The following PRAG1 variants were observed in gnomAD, a reference collection of about 807,000 sequenced individuals.
PRAG1 encodes the protein PEAK1 related, kinase-activating pseudokinase 1.
In PRAG1, 110 loss-of-function variants were observed where a neutral mutation model predicts 95.6. The observed-to-expected ratio is 1.15, with a 90% CI of 0.99 to 1.35. The LOEUF is 1.35. Among genes scored for constraint, PRAG1 ranks in the 40% most tolerant of loss-of-function variants. The pLI, the probability that PRAG1 is intolerant of heterozygous loss-of-function variation, is 0.00. For synonymous variants in PRAG1, 1,052 were observed against 819.4 expected, an observed-to-expected ratio of 1.28 and a Z score of -4.85; for missense variants, 2,554 against 1,864.7, an observed-to-expected ratio of 1.37 and a Z score of -6.81.
At chr8:8,345,938 T>TA (rs749158161) in intron 3 of PRAG1, among the ~76,000 whole-genome samples, 18 of 152,128 alleles carry the variant, frequency 1.2e-4, no homozygotes, top group Non-Finnish European at 1.5e-4. Flanking sequence ...CACATCAAAT[T>TA]AAAAAATGAA....
At chr8:8,344,849 C>T (rs542265182) in intron 3 of PRAG1, among the ~76,000 whole-genome samples, 6 of 152,218 alleles carry the variant, frequency 3.9e-5, no homozygotes, top group Admixed American at 6.5e-5. Context: ...GCAGTCTCAA[C>T]GAGGGTTGGT....
At chr8:8,362,047 C>T (rs528172415) in intron 3 of PRAG1, among the ~76,000 whole-genome samples, 8 of 152,232 alleles carry the variant, frequency 5.3e-5, no homozygotes, top group East Asian at 1.9e-4. Flanking sequence ...CCTAACCTCA[C>T]GCACTTGAGG....
rs768504010 is a variant in PRAG1 at position 8,377,668 on chromosome 8, G to A, written c.741C>T (p.Asp247=). 6.2e-6 allele frequency: 10 copies of A among 1,613,828 alleles called. No homozygotes were observed. Among genetic ancestry groups the A allele is most frequent in the Non-Finnish European group, 6.8e-6 (8 of 1,180,014 alleles). The change falls in exon 3 of 6, where the codon GAC becomes GAT. Residue 247 remains aspartate, a synonymous_variant. Transcript: ENST00000615670. The part of the protein sequence containing the change: ...DSDQRCSPSG[D]SEGGEYCSIL... ...TGGAGCAGTACTCTCCACCCTCGCTGTCCCCGGAGGGCGAGCACCTTTGAT... is the reference window on the plus strand; with the variant it reads ...TGGAGCAGTACTCTCCACCCTCGCTATCCCCGGAGGGCGAGCACCTTTGAT...
chr8:8,351,703 C>T (rs1799528186), intron 3 of PRAG1, among the ~76,000 whole-genome samples: 1 of 152,148 alleles, frequency 6.6e-6, no homozygotes, highest in Non-Finnish European at 1.5e-5. Context: ...AATCAGGTTG[C>T]TTAGCTCTAT....
Position 8,349,407 on chromosome 8 carries a change from AGT to A in PRAG1, c.2163-9774_2163-9773del, listed in dbSNP as rs552093251. 2.8e-3 allele frequency among the ~76,000 whole-genome samples: 420 copies of A among 152,066 alleles called. 3 individuals carry two copies. The highest frequency in any genetic ancestry group is 9.4e-3 in the African/African-American group (388 of 41,442). ...GCCATTCTCCTGTCTCAGCCTCCTG[AGT>A]AGCTGGTACTACAGGCGCCCGCCAC... On this transcript the variant is annotated intron_variant, in intron 3 of 5. Transcript: ENST00000615670.
chr8:8,368,758 A>G (rs772351487), intron 3 of PRAG1, among the ~76,000 whole-genome samples: 10 of 152,274 alleles, frequency 6.6e-5, no homozygotes, highest in East Asian at 3.9e-4. Flanking sequence ...GTATTTTCCA[A>G]TGCACCTGAC....
At chr8:8,345,034 A>T (rs1260796870) in intron 3 of PRAG1, among the ~76,000 whole-genome samples, 2 of 142,180 alleles carry the variant, frequency 1.4e-5, no homozygotes, top group East Asian at 4.0e-4. Flanking sequence ...TTACAGGATA[A>T]ATTATCCGCA....
At position 8,319,057 on chromosome 8, in the gene PRAG1, G is replaced by C. The variant is rs1021885434; in HGVS notation, c.3318C>G (p.Asp1106Glu). ...GCTCCGCCTGGTGGCTGGCCGCCGA[G>C]TCCCGCACGAAGTCGGAGGCGGTCT... Reference protein sequence around the residue: ...PHQTASDFVRDSAASHQAEPE... With the variant: ...PHQTASDFVRESAASHQAEPE... The change falls in exon 6 of 6, where the codon GAC (aspartate) becomes GAG (glutamate). Residue 1106 changes from aspartate to glutamate, a missense_variant. Physicochemically the swap from Asp to Glu is conservative, Grantham distance 45. Coordinates refer to ENST00000615670, the MANE Select transcript of PRAG1 (RefSeq NM_001080826.3). The C allele has an allele frequency of 2.5e-6, 4 of 1,612,264 alleles. No homozygotes were observed. The African/African-American group carries it at 5.3e-5, about 22-fold the overall frequency.
chr8:8,328,066 C>G lies in PRAG1; in HGVS notation c.2716G>C (p.Gly906Arg), dbSNP rs200130163. The change falls in exon 5 of 6, where the codon GGG (glycine) becomes CGG (arginine). Residue 906 changes from glycine to arginine, a missense_variant. Coordinates refer to ENST00000615670, the MANE Select transcript of PRAG1 (RefSeq NM_001080826.3). ...AGLAGNRGGC[G>R]SPGLQCKGAP... ...CCTTTGCACTGGAGGCCAGGGCTCC[C>G]GCAGCCGCCTCTGTTGCCCGCCAGC... 2.9e-5 allele frequency: 46 copies of G among 1,598,804 alleles called. No homozygotes were observed. The Middle Eastern group carries it at 1.5e-3, about 52-fold the overall frequency.
At chr8:8,368,509 G>T (rs992719901) in intron 3 of PRAG1, among the ~76,000 whole-genome samples, 1 of 152,198 alleles carries the variant, frequency 6.6e-6, no homozygotes, top group East Asian at 1.9e-4. Flanking sequence ...AGAGACACAG[G>T]ATATTCTTTG....
At position 8,319,133 on chromosome 8, in the gene PRAG1, G is replaced by T. The variant is rs374751432; in HGVS notation, c.3242C>A (p.Pro1081His). The change falls in exon 6 of 6, where the codon CCT (proline) becomes CAT (histidine). Residue 1081 changes from proline (P) to histidine (H), a missense_variant. By Grantham distance (77) the Pro-to-His change is moderately conservative. Transcript: ENST00000615670. ...CACCACGCAGTCCTGCTCCTGGGCA[G>T]GGGGGTGTGTGGGCAGGGCAGGCAC... ...DPVPALPTHP[P>H]AQEQDCVVVI... The T allele has an allele frequency of 2.2e-5, 35 of 1,603,352 alleles. No homozygotes were observed. Among genetic ancestry groups the T allele is most frequent in the Middle Eastern group, 1.7e-4 (1 of 6,058 alleles).
intron 3 of PRAG1, among the ~76,000 whole-genome samples, chr8:8,350,301 AGG>A: frequency 6.6e-6 from 1 of 152,176 alleles, no homozygotes. Context: ...GCTGATGAGC[AGG>A]TAAGAGAGTG....
chr8:8,335,576 A>C (rs1465291429), intron 4 of PRAG1, among the ~76,000 whole-genome samples: 1 of 152,240 alleles, frequency 6.6e-6, no homozygotes, highest in Non-Finnish European at 1.5e-5. Flanking sequence ...TTATTGGAAC[A>C]ATAATATATT....
intron 3 of PRAG1, among the ~76,000 whole-genome samples, chr8:8,359,400 T>C (rs549905519): frequency 1.3e-5 from 2 of 152,340 alleles, no homozygotes; most frequent in South Asian, 2.1e-4. Flanking sequence ...ACAGTTGCTA[T>C]AGAAGTAAGA....
At chr8:8,362,911 G>A (rs373295839) in intron 3 of PRAG1, among the ~76,000 whole-genome samples, 38 of 152,172 alleles carry the variant, frequency 2.5e-4, no homozygotes, top group African/African-American at 8.4e-4. Flanking sequence ...AGAGGAAGTC[G>A]CTTATGTAAA....
At chr8:8,327,292 AG>A (rs1283671522) in intron 5 of PRAG1, among the ~76,000 whole-genome samples, 1 of 152,180 alleles carries the variant, frequency 6.6e-6, no homozygotes, top group Non-Finnish European at 1.5e-5. Context: ...CTTAGGGGTC[AG>A]GGGTGGTGGC....
intron 3 of PRAG1, among the ~76,000 whole-genome samples, chr8:8,360,776 C>G (rs775495861): frequency 2.0e-5 from 3 of 152,160 alleles, no homozygotes; most frequent in African/African-American, 7.2e-5. Flanking sequence ...ATGTTAAATG[C>G]CTTGGAAAGA....
chr8:8,359,911 A>G (rs112694860), intron 3 of PRAG1, among the ~76,000 whole-genome samples: 1,664 of 152,308 alleles, frequency 0.011, 29 homozygotes, highest in African/African-American at 0.035. Context: ...AAAATTGTAT[A>G]CAAGTCGATT....
intron 3 of PRAG1, among the ~76,000 whole-genome samples, chr8:8,349,150 T>C (rs1287297899): frequency 6.6e-6 from 1 of 152,246 alleles, no homozygotes; most frequent in Non-Finnish European, 1.5e-5. Flanking sequence ...ACACCTGTTC[T>C]AAAATATTCT....
Sources: allele counts gnomAD v4.1 joint callset (sites outside exome capture counted in the v4.1 genomes callset), GRCh38; gene constraint gnomAD v4.1.1; transcripts MANE v1.5; gene names NCBI Gene and HGNC (gene_info 2026-07-23, HGNC 2026-07-21).